Variants in ALG14 observed in about 807,000 individuals in gnomAD.
ALG14 encodes ALG14 UDP-N-acetylglucosaminyltransferase subunit.
A neutral mutation model predicts 22.8 loss-of-function variants in ALG14; 17 were observed. The ratio of observed to expected loss-of-function variants is 0.75; its 90% CI spans 0.51 to 1.12. The LOEUF is 1.12. Among genes scored for constraint, ALG14 ranks in the 50% most tolerant of loss-of-function variants. ALG14 has a pLI of 0.00. For synonymous variants in ALG14, 89 were observed against 103.7 expected, an observed-to-expected ratio of 0.86 and a Z score of 0.86; for missense variants, 288 against 271.8, an observed-to-expected ratio of 1.06 and a Z score of -0.42.
At chr1:95,047,779 A>T (rs1186592484) in intron 2 of ALG14, among the ~76,000 whole-genome samples, 4 of 152,308 alleles carry the variant, frequency 2.6e-5, no homozygotes, top group African/African-American at 9.6e-5. Context: ...CAGGAGTTCA[A>T]GACCAGCCTG....
At chr1:95,046,896 G>A (rs1283233186) in intron 2 of ALG14, among the ~76,000 whole-genome samples, 2 of 152,044 alleles carry the variant, frequency 1.3e-5, no homozygotes, top group Non-Finnish European at 2.9e-5. Flanking sequence ...CCAGAAGTTC[G>A]AGACCAGCCT....
At chr1:95,053,621 C>T (rs907293569) in intron 2 of ALG14, among the ~76,000 whole-genome samples, 1 of 152,020 alleles carries the variant, frequency 6.6e-6, no homozygotes, top group East Asian at 1.9e-4. Context: ...AGTGCAGTGG[C>T]ATGATCATAG....
intron 3 of ALG14, among the ~76,000 whole-genome samples, chr1:95,024,810 CTG>C (rs2100767732): frequency 6.6e-6 from 1 of 152,326 alleles, no homozygotes; most frequent in East Asian, 1.9e-4. Flanking sequence ...AATTCTAGCT[CTG>C]TTGCTACTTC....
chr1:95,016,101 A>G (rs1673488168), intron 3 of ALG14, among the ~76,000 whole-genome samples: 1 of 152,156 alleles, frequency 6.6e-6, no homozygotes, highest in South Asian at 2.1e-4. Context: ...AATTTGTCCA[A>G]ATGGTAGAGT....
At chr1:95,028,299 C>A (rs1471249327) in intron 2 of ALG14, among the ~76,000 whole-genome samples, 1 of 152,132 alleles carries the variant, frequency 6.6e-6, no homozygotes, top group African/African-American at 2.4e-5. Flanking sequence ...CAGGCACATG[C>A]CACCATACCC....
chr1:94,998,941 C>A (rs981100515), intron 3 of ALG14, among the ~76,000 whole-genome samples: 1 of 152,018 alleles, frequency 6.6e-6, no homozygotes, highest in Admixed American at 6.6e-5. Flanking sequence ...AGCAGGTACA[C>A]ACAAAAAAAT....
intron 2 of ALG14, among the ~76,000 whole-genome samples, chr1:95,058,930 CTCA>C (rs1675037918): frequency 6.6e-6 from 1 of 151,618 alleles, no homozygotes; most frequent in Non-Finnish European, 1.5e-5. Context: ...ATTCTTTTCC[CTCA>C]TATTTGCCTT....
chr1:95,049,143 A>G lies in ALG14; in HGVS notation c.288+15723T>C, dbSNP rs1189860149. 2.6e-5 allele frequency among the ~76,000 whole-genome samples: 4 copies of G among 152,238 alleles called. No homozygotes were observed. In the East Asian group the frequency reaches 7.7e-4, roughly 29 times the overall value. ...TTAGCTTAAAATCTGCTGTATATTA[A>G]TATCTAGCATAAATAGGTAAATACC... On this transcript the variant is annotated intron_variant, in intron 2 of 3. Coordinates refer to ENST00000370205, the MANE Select transcript of ALG14 (RefSeq NM_144988.4).
At chr1:94,990,623 T>G (rs1254646508) in intron 3 of ALG14, among the ~76,000 whole-genome samples, 2 of 152,248 alleles carry the variant, frequency 1.3e-5, no homozygotes, top group Non-Finnish European at 1.5e-5. Context: ...TGCCACTGCG[T>G]GAACGTACTA....
rs867766954 is a variant in ALG14, at chr1:94,976,729, C to A, written c.*6347G>T. 1.8e-4 allele frequency: 27 copies of A among 152,058 alleles called. No individual in the cohort carries two copies. The highest frequency in any genetic ancestry group is 6.3e-4 in the African/African-American group (26 of 41,398). 9.4% of individuals were successfully genotyped at this position (152,058 alleles called of 1,614,324 possible). ...AAAAGATGTCCCCTAATATTCCACC[C>A]CCTGATTTACATGCCCTGGATAATC... On this transcript the variant is annotated 3_prime_UTR_variant, in exon 4 of 4. Coordinates refer to ENST00000370205, the MANE Select transcript of ALG14 (RefSeq NM_144988.4).
chr1:95,060,362 T>C (rs1436394338), intron 2 of ALG14, among the ~76,000 whole-genome samples: 3 of 150,898 alleles, frequency 2.0e-5, no homozygotes, highest in African/African-American at 4.8e-5. Context: ...TAAAAGGAAG[T>C]TGAACAGAGA....
chr1:95,029,002 T>C (rs1423083397), intron 2 of ALG14, among the ~76,000 whole-genome samples: 2 of 152,254 alleles, frequency 1.3e-5, no homozygotes, highest in African/African-American at 4.8e-5. Context: ...ATTGGTTACC[T>C]ATTTCTGTGT....
At chr1:94,986,461 G>A (rs1672644255) in intron 3 of ALG14, among the ~76,000 whole-genome samples, 1 of 152,008 alleles carries the variant, frequency 6.6e-6, no homozygotes, top group Non-Finnish European at 1.5e-5. Context: ...GTGGTTGACT[G>A]ACAGCTTTTT....
At chr1:95,038,762 AGGCTGGAGAGCAGC>A (rs1255926169) in intron 2 of ALG14, among the ~76,000 whole-genome samples, 1 of 127,046 alleles carries the variant, frequency 7.9e-6, no homozygotes, top group African/African-American at 3.1e-5. Flanking sequence ...TCTCTTGCCC[AGGCTGGAGAGCAGC>A]GGCATGATCA....
In ALG14 at chr1:94,976,016, C is replaced by CAAAAAAAAAAA. The variant is rs775056839; in HGVS notation, c.*7049_*7059dup. ...TGGGCAACAGAGCGAGACTCTGTCT[C>CAAAAAAAAAAA]AAAAAAAAAAAAAAAAAAAAAAAAG... On this transcript the variant is annotated 3_prime_UTR_variant, in exon 4 of 4. Transcript: ENST00000370205. 7.9e-5 allele frequency: 4 copies of CAAAAAAAAAAA among 50,910 alleles called. No individual in the cohort carries two copies. Among genetic ancestry groups the CAAAAAAAAAAA allele is most frequent in the African/African-American group, 3.1e-4 (4 of 13,006 alleles). The allele number at this position is 50,910 out of a possible 1,614,324, so 3.2% of individuals were successfully genotyped here. A position where few individuals can be genotyped will look rare whatever the true frequency, so the allele number is the denominator to read the frequency against.
intron 2 of ALG14, among the ~76,000 whole-genome samples, chr1:95,050,946 A>G (rs1674726274): frequency 6.7e-6 from 1 of 149,884 alleles, no homozygotes. Flanking sequence ...ACTTCCTGCA[A>G]CCTCCGCCTC....
chr1:95,027,360 A>G, intron 2 of ALG14, 100 bp from the exon 3 acceptor site: 1 of 1,416,206 alleles, frequency 7.1e-7, no homozygotes. Flanking sequence ...GCTTTCTTTA[A>G]TTTAAATTTT....
intron 3 of ALG14, among the ~76,000 whole-genome samples, chr1:95,021,396 C>G (rs1482036761): frequency 2.0e-5 from 3 of 152,180 alleles, no homozygotes; most frequent in Non-Finnish European, 4.4e-5. Flanking sequence ...CCTACTGACT[C>G]TAGTTACACA....
intron 3 of ALG14, among the ~76,000 whole-genome samples, chr1:94,989,673 C>T (rs1438631418): frequency 6.6e-6 from 1 of 152,218 alleles, no homozygotes; most frequent in African/African-American, 2.4e-5. Context: ...TCTCCTGAAA[C>T]CAGCTCTGTG....
Sources: gnomAD v4.1 joint callset for allele counts (sites outside exome capture counted in the v4.1 genomes callset) on GRCh38, gnomAD v4.1.1 for gene constraint, MANE v1.5 for transcripts, NCBI Gene and HGNC (gene_info 2026-07-23, HGNC 2026-07-21) for gene names.